The following ATP8A1 variants were observed in gnomAD, a reference collection of about 807,000 sequenced individuals.
The protein encoded by ATP8A1 is phospholipid-transporting ATPase IA.
Under a neutral mutation model 177.7 loss-of-function variants are expected in ATP8A1, and 90 were observed. The observed-to-expected ratio is 0.51, with a 90% confidence interval of 0.43 to 0.60. The LOEUF (loss-of-function observed/expected upper bound fraction) is 0.60, where lower values mean the gene tolerates loss of function less well. Ranked by LOEUF, ATP8A1 falls within the 20% of genes least tolerant of loss-of-function variation. The pLI is 0.00. For synonymous variants in ATP8A1, 493 were observed against 485.9 expected, an observed-to-expected ratio of 1.01 and a Z score of -0.19; for missense variants, 1,072 against 1,392.8, an observed-to-expected ratio of 0.77 and a Z score of 3.67.
rs1231666441 is a variant in ATP8A1, at chr4:42,410,842, G to A, written c.*2074C>T. On this transcript the variant is annotated 3_prime_UTR_variant, in exon 37 of 37. Transcript: ENST00000381668. ...TTTTTATATTAAAATTCTGCAGAAG[G>A]GTGCCACTGATGAAGTGAGCGCAAA... The A allele has an allele frequency of 2.6e-5, 4 of 152,086 alleles. No individual in the cohort carries two copies. Among genetic ancestry groups the A allele is most frequent in the African/African-American group, 9.7e-5 (4 of 41,418 alleles). 9.4% of individuals were successfully genotyped at this position (152,086 alleles called of 1,614,324 possible). A position where few individuals can be genotyped will look rare whatever the true frequency, so the allele number is the denominator to read the frequency against.
At chr4:42,512,759 TG>T (rs1725137489) in intron 22 of ATP8A1, among the ~76,000 whole-genome samples, 1 of 152,148 alleles carries the variant, frequency 6.6e-6, no homozygotes, top group Non-Finnish European at 1.5e-5. Flanking sequence ...CACAGAATGC[TG>T]GGCCCTACAC....
At chr4:42,629,913 C>T (rs1238484605) in intron 1 of ATP8A1, among the ~76,000 whole-genome samples, 1 of 152,200 alleles carries the variant, frequency 6.6e-6, no homozygotes, top group Non-Finnish European at 1.5e-5. Flanking sequence ...AATCCAGACT[C>T]TTTCCATGTA....
chr4:42,456,109 T>C (rs534698221), intron 27 of ATP8A1, among the ~76,000 whole-genome samples: 5 of 152,244 alleles, frequency 3.3e-5, no homozygotes, highest in Non-Finnish European at 5.9e-5. Context: ...AACCTGCATA[T>C]AGAGAGTGTC....
intron 24 of ATP8A1, among the ~76,000 whole-genome samples, chr4:42,488,733 T>A (rs1354845637): frequency 6.6e-6 from 1 of 152,150 alleles, no homozygotes; most frequent in Non-Finnish European, 1.5e-5. Flanking sequence ...CTTCCTGGAA[T>A]GTCCTCCTCT....
Position 42,409,245 on chromosome 4 carries a change from T to C in ATP8A1, c.*3671A>G, listed in dbSNP as rs1355803019. ...CCTATCAAAAACACAGCTGTTCTCATACAGAAAGTAAATCAAGACGAAATA... is the reference window on the plus strand; with the variant it reads ...CCTATCAAAAACACAGCTGTTCTCACACAGAAAGTAAATCAAGACGAAATA... On this transcript the variant is annotated 3_prime_UTR_variant, in exon 37 of 37. Coordinates refer to ENST00000381668, the MANE Select transcript of ATP8A1 (RefSeq NM_006095.2). The C allele has an allele frequency of 3.3e-5, 5 of 152,194 alleles. No individual in the cohort carries two copies. Among genetic ancestry groups the C allele is most frequent in the Non-Finnish European group, 5.9e-5 (4 of 68,018 alleles). The allele number at this position is 152,194 out of a possible 1,614,324, so 9.4% of individuals were successfully genotyped here.
chr4:42,635,782 CAT>C (rs764452182), intron 1 of ATP8A1, among the ~76,000 whole-genome samples: 8,312 of 51,922 alleles, frequency 0.16, 644 homozygotes, highest in South Asian at 0.24. Context: ...CACACACACA[CAT>C]ATATATATAT....
chr4:42,618,405 G>A (rs1737123795), intron 4 of ATP8A1, among the ~76,000 whole-genome samples: 1 of 152,108 alleles, frequency 6.6e-6, no homozygotes, highest in Non-Finnish European at 1.5e-5. Context: ...TGAGCTCCAC[G>A]ATTATATCTG....
At chr4:42,529,594 C>T (rs182902259) in intron 20 of ATP8A1, among the ~76,000 whole-genome samples, 64 of 152,328 alleles carry the variant, frequency 4.2e-4, no homozygotes, top group African/African-American at 1.4e-3. Flanking sequence ...ACTCCTACCA[C>T]TGTGCCTTCT....
At chr4:42,465,660 C>G (rs1408737379) in intron 25 of ATP8A1, among the ~76,000 whole-genome samples, 1 of 152,164 alleles carries the variant, frequency 6.6e-6, no homozygotes, top group Non-Finnish European at 1.5e-5. Flanking sequence ...CAGAAAACAC[C>G]AGTATCTCTA....
At chr4:42,563,222 A>G (rs1476798376) in intron 15 of ATP8A1, among the ~76,000 whole-genome samples, 1 of 152,186 alleles carries the variant, frequency 6.6e-6, no homozygotes, top group Non-Finnish European at 1.5e-5. Flanking sequence ...ACTTGTTGGG[A>G]ACTGGAGAAA....
At chr4:42,644,536 C>T (rs1226946219) in intron 1 of ATP8A1, among the ~76,000 whole-genome samples, 1 of 151,928 alleles carries the variant, frequency 6.6e-6, no homozygotes, top group African/African-American at 2.4e-5. Context: ...AATGCAGAGA[C>T]AAATAAGGAT....
At chr4:42,571,219 C>T (rs867335236) in intron 14 of ATP8A1, among the ~76,000 whole-genome samples, 5 of 151,912 alleles carry the variant, frequency 3.3e-5, no homozygotes, top group Non-Finnish European at 5.9e-5. Flanking sequence ...AAGAAGTAGC[C>T]GATCCTTCCA....
intron 1 of ATP8A1, among the ~76,000 whole-genome samples, chr4:42,641,034 A>G: frequency 6.6e-6 from 1 of 151,046 alleles, no homozygotes; most frequent in Admixed American, 6.6e-5. Context: ...AAAAAGAACA[A>G]TGAACCTCTG....
chr4:42,542,280 A>C (rs1473766526), intron 20 of ATP8A1, among the ~76,000 whole-genome samples: 2 of 152,142 alleles, frequency 1.3e-5, no homozygotes, highest in Non-Finnish European at 2.9e-5. Context: ...ATGGAAGTCC[A>C]TCATTTTTTA....
At position 42,538,835 on chromosome 4, in the gene ATP8A1, G is replaced by A. The variant is rs548607194; in HGVS notation, c.1722+5082C>T. Among the ~76,000 whole-genome samples the A allele has an allele frequency of 5.9e-5, 9 of 152,278 alleles. No homozygotes were observed. The East Asian group carries it at 1.5e-3, about 26-fold the overall frequency. On this transcript the variant is annotated intron_variant, in intron 20 of 36. Coordinates refer to ENST00000381668, the MANE Select transcript of ATP8A1 (RefSeq NM_006095.2). The stretch of plus-strand genomic sequence containing the variant: ...GAATGTAAACTAGTACAACCACTAT[G>A]GAAAACAGTGTGGAGATTCCTTAAA...
chr4:42,416,929 T>C (rs1308585323), intron 35 of ATP8A1, among the ~76,000 whole-genome samples: 1 of 152,226 alleles, frequency 6.6e-6, no homozygotes, highest in Non-Finnish European at 1.5e-5. Flanking sequence ...TGGTTTCTAG[T>C]CAACATAAGC....
At chr4:42,557,439 AAT>A (rs529868236) in intron 15 of ATP8A1, among the ~76,000 whole-genome samples, 87 of 152,348 alleles carry the variant, frequency 5.7e-4, no homozygotes, top group African/African-American at 1.9e-3. Context: ...TTGTTAAACA[AAT>A]GTCAAGGAAT....
chr4:42,636,156 A>ACGCGCGTGCGCGCG (rs1553920759), intron 1 of ATP8A1, among the ~76,000 whole-genome samples: 2 of 90,898 alleles, frequency 2.2e-5, no homozygotes, highest in Non-Finnish European at 2.6e-5. Context: ...ACACACACAC[A>ACGCGCGTGCGCGCG]CGCACACACA....
At chr4:42,515,637 C>A (rs938351528) in intron 22 of ATP8A1, among the ~76,000 whole-genome samples, 2 of 152,154 alleles carry the variant, frequency 1.3e-5, no homozygotes, top group African/African-American at 4.8e-5. Context: ...TATCTTAGTG[C>A]CTTATCTCAG....
Sources: allele counts gnomAD v4.1 joint callset (sites outside exome capture counted in the v4.1 genomes callset), GRCh38; gene constraint gnomAD v4.1.1; transcripts MANE v1.5; gene names NCBI Gene and HGNC (gene_info 2026-07-23, HGNC 2026-07-21).